PCDHA12: variants seen among roughly 807,000 people sequenced by gnomAD.
The protein encoded by PCDHA12 is protocadherin alpha-12.
Under a neutral mutation model 60.0 loss-of-function variants are expected in PCDHA12, and 44 were observed. That is an observed-to-expected ratio of 0.73 (90% confidence interval 0.58 to 0.94). PCDHA12 has a LOEUF of 0.94. Ranked by LOEUF, PCDHA12 falls within the 40% of genes least tolerant of loss-of-function variation. The probability of loss-of-function intolerance (pLI) is 0.00; values close to 1 mark genes in which losing one functional copy is unlikely to be tolerated. For missense variants in PCDHA12, 1,276 were observed against 1,239.7 expected, an observed-to-expected ratio of 1.03 and a Z score of -0.44; for synonymous variants, 569 against 553.0, an observed-to-expected ratio of 1.03 and a Z score of -0.40.
At position 140,944,954 on chromosome 5, in the gene PCDHA12, G is replaced by T. The variant is rs59917150; in HGVS notation, c.2368-33995G>T. Among the ~76,000 whole-genome samples the T allele has an allele frequency of 8.9e-3, 1,356 of 152,182 alleles. 15 individuals are homozygous for T. Among genetic ancestry groups the T allele is most frequent in the African/African-American group, 0.032 (1,311 of 41,514 alleles). ...CTTCTTTAGATGATTGTGAATAAGA[G>T]TATTATCTTAACCTCTCTGGTGGGT... On this transcript the variant is annotated intron_variant, in intron 1 of 3. Coordinates refer to ENST00000398631, the MANE Select transcript of PCDHA12 (RefSeq NM_018903.4).
intron 3 of PCDHA12, among the ~76,000 whole-genome samples, chr5:140,995,073 C>A (rs2097663037): frequency 6.6e-6 from 1 of 152,180 alleles, no homozygotes; most frequent in Non-Finnish European, 1.5e-5. Context: ...CAACCTACAG[C>A]AATCCAAACT....
intron 1 of PCDHA12, among the ~76,000 whole-genome samples, chr5:140,962,354 A>G (rs80298031): frequency 0.023 from 3,560 of 152,266 alleles, 46 homozygotes; most frequent in Middle Eastern, 0.034. Context: ...ACTCCCCCCA[A>G]TACTGGCTAG....
intron 3 of PCDHA12, among the ~76,000 whole-genome samples, chr5:140,986,211 C>T (rs1257937611): frequency 1.3e-5 from 2 of 152,126 alleles, no homozygotes; most frequent in African/African-American, 2.4e-5. Flanking sequence ...GATTACTGGC[C>T]CCTTTCTCTA....
At chr5:140,904,113 G>C (rs1051705657) in intron 1 of PCDHA12, among the ~76,000 whole-genome samples, 4 of 152,248 alleles carry the variant, frequency 2.6e-5, no homozygotes, top group African/African-American at 9.6e-5. Context: ...TCATTGCTGA[G>C]ATTTTGGTGC....
At chr5:140,883,759 G>C (rs1554179777) in intron 1 of PCDHA12, 1 of 1,612,822 alleles carries the variant, frequency 6.2e-7, no homozygotes, top group Non-Finnish European at 8.5e-7. Context: ...TGGTGGAGCG[G>C]CGGGTGGGCG....
At position 141,010,334 on chromosome 5, in the gene PCDHA12, T is replaced by C; in HGVS notation, c.*397T>C. On this transcript the variant is annotated 3_prime_UTR_variant, in exon 4 of 4. Transcript: ENST00000398631. The stretch of plus-strand genomic sequence containing the variant: ...TGAGATTGAGCAGCTTGGGAGTTTG[T>C]GGCCACTGGGTATGTGTGGCTACCG... The C allele has an allele frequency of 2.0e-6, 3 of 1,537,004 alleles. No homozygotes were observed. The East Asian group carries it at 7.4e-5, about 38-fold the overall frequency.
chr5:140,942,145 CAT>C (rs2093239780), intron 1 of PCDHA12, among the ~76,000 whole-genome samples: 1 of 152,176 alleles, frequency 6.6e-6, no homozygotes, highest in African/African-American at 2.4e-5. Context: ...CTTTACTTGA[CAT>C]AAAACAGCTT....
At position 140,876,311 on chromosome 5, in the gene PCDHA12, G is replaced by A; in HGVS notation, c.839G>A (p.Gly280Glu). The change falls in exon 1 of 4, where the codon GGG (glycine) becomes GAG (glutamate). Residue 280 changes from glycine (G) to glutamate (E), a missense_variant. Coordinates refer to ENST00000398631, the MANE Select transcript of PCDHA12 (RefSeq NM_018903.4). ...GGACTTAATGGAGAAATTTCCTATG[G>A]GATCAAAATGATTTTGCCAGTGAGT... Reference protein sequence around the residue: ...DEGLNGEISYGIKMILPVSEK... With the variant: ...DEGLNGEISYEIKMILPVSEK... The A allele has an allele frequency of 1.2e-6, 2 of 1,613,954 alleles. No individual in the cohort carries two copies. Among genetic ancestry groups the A allele is most frequent in the East Asian group, 2.2e-5 (1 of 44,878 alleles).
At chr5:140,965,371 T>C (rs1195667342) in intron 1 of PCDHA12, among the ~76,000 whole-genome samples, 9 of 152,124 alleles carry the variant, frequency 5.9e-5, no homozygotes, top group African/African-American at 1.2e-4. Flanking sequence ...AAGAGGAAAC[T>C]TGGGGACACA....
chr5:140,911,445 A>C (rs1327839733), intron 1 of PCDHA12, among the ~76,000 whole-genome samples: 1 of 152,184 alleles, frequency 6.6e-6, no homozygotes, highest in Non-Finnish European at 1.5e-5. Context: ...CCGCAATTTC[A>C]GCTCTTTCTC....
chr5:140,882,283 G>A (rs1554173377), intron 1 of PCDHA12: 2 of 1,612,834 alleles, frequency 1.2e-6, no homozygotes, highest in South Asian at 1.1e-5. Flanking sequence ...TGTCTTCCTG[G>A]CAAGGAGGCC....
intron 1 of PCDHA12, among the ~76,000 whole-genome samples, chr5:140,972,133 C>T (rs532498360): frequency 2.0e-5 from 3 of 152,072 alleles, no homozygotes; most frequent in East Asian, 3.9e-4. Flanking sequence ...CAGTGAGTTA[C>T]TACTATTTTT....
intron 1 of PCDHA12, among the ~76,000 whole-genome samples, chr5:140,899,419 A>G (rs1583341890): frequency 6.6e-6 from 1 of 152,318 alleles, no homozygotes; most frequent in Non-Finnish European, 1.5e-5. Flanking sequence ...GAATTTTGTC[A>G]AAGGTCTTTT....
intron 3 of PCDHA12, among the ~76,000 whole-genome samples, chr5:140,987,478 T>A (rs2097255782): frequency 6.6e-6 from 1 of 152,104 alleles, no homozygotes. Flanking sequence ...AGCTTGGGAG[T>A]CAGTGACCCT....
intron 1 of PCDHA12, among the ~76,000 whole-genome samples, chr5:140,940,027 G>A (rs1554213088): frequency 6.6e-6 from 1 of 152,058 alleles, no homozygotes; most frequent in Non-Finnish European, 1.5e-5. Context: ...TATGTTTTAA[G>A]GCTATTTTAT....
chr5:140,926,828 C>T (rs2083578925), intron 1 of PCDHA12: 1 of 1,501,376 alleles, frequency 6.7e-7, no homozygotes, highest in African/African-American at 1.4e-5. Flanking sequence ...TCCAGGAGTC[C>T]GGAGCATGGT....
Position 140,877,653 on chromosome 5 carries a change from C to A in PCDHA12, c.2181C>A (p.Pro727=). Residue 727 remains proline (P), a synonymous_variant, in exon 1 of 4, where the codon CCC becomes CCA. Transcript: ENST00000398631. ...LYTALRCSAP[P]TVSRCAPGKP... is the part of the protein sequence containing the mutation. ...CTGCGCTGCGTTGCTCAGCGCCGCC[C>A]ACCGTGAGCCGGTGCGCGCCGGGCA... 6.2e-7 allele frequency: 1 copy of A among 1,613,522 alleles called. No individual in the cohort carries two copies. Among genetic ancestry groups the A allele is most frequent in the Non-Finnish European group, 8.5e-7 (1 of 1,179,762 alleles).
Position 140,876,935 on chromosome 5 carries a change from C to G in PCDHA12, c.1463C>G (p.Ala488Gly). ...SAWDADAQKN[A>G]LVSYSLVERR... ...TGGGACGCGGACGCGCAGAAGAACG[C>G]GCTGGTGTCCTACTCGCTGGTGGAG... The change falls in exon 1 of 4, where the codon GCG becomes GGG. Residue 488 changes from alanine to glycine, a missense_variant. Ala to Gly is a moderately conservative substitution (Grantham distance 60, BLOSUM62 0). Coordinates refer to ENST00000398631, the MANE Select transcript of PCDHA12 (RefSeq NM_018903.4). The G allele has an allele frequency of 6.2e-7, 1 of 1,613,746 alleles. No individual in the cohort carries two copies. Among genetic ancestry groups the G allele is most frequent in the Non-Finnish European group, 8.5e-7 (1 of 1,179,900 alleles).
chr5:140,883,686 A>G (rs1380292802), intron 1 of PCDHA12: 1 of 1,613,664 alleles, frequency 6.2e-7, no homozygotes, highest in East Asian at 2.2e-5. Flanking sequence ...CCGGGCTGCC[A>G]CATCTTCACG....
Sources: gnomAD v4.1 joint callset for allele counts (sites outside exome capture counted in the v4.1 genomes callset) on GRCh38, gnomAD v4.1.1 for gene constraint, MANE v1.5 for transcripts, NCBI Gene and HGNC (gene_info 2026-07-23, HGNC 2026-07-21) for gene names.